The following MYO3A variants were observed in gnomAD, a reference collection of about 807,000 sequenced individuals.
MYO3A encodes the protein myosin-IIIa.
MYO3A carries 180 observed loss-of-function variants against 192.7 expected under a neutral mutation model. The observed-to-expected ratio is 0.93, with a 90% CI of 0.83 to 1.06. The LOEUF is 1.06. MYO3A is among the 50% of genes least tolerant of loss of function. The pLI, the probability that MYO3A is intolerant of heterozygous loss-of-function variation, is 0.00. For missense variants in MYO3A, 1,896 were observed against 1,905.0 expected (o/e 1.00, Z 0.09); for synonymous variants, 628 against 645.3 (o/e 0.97, Z 0.41).
intron 14 of MYO3A, among the ~76,000 whole-genome samples, chr10:26,075,982 T>C (rs1402682988): frequency 6.6e-6 from 1 of 151,844 alleles, no homozygotes; most frequent in African/African-American, 2.4e-5. Context: ...CTTTTATGAA[T>C]AATGACTTAT....
At chr10:26,166,215 T>C in intron 27 of MYO3A, 37 bp downstream of exon 27, 1 of 1,464,724 alleles carries the variant, frequency 6.8e-7, no homozygotes, top group South Asian at 1.1e-5. Flanking sequence ...AAATAAATAA[T>C]TATGCTGGGT....
rs1487933695 is a variant in MYO3A, at chr10:26,120,817, C to T, written c.1903+15C>T. ...CCTGGAGAACTGTAAGTTTTATTAC[C>T]TTCTATTCAAAACTGAAATCTTTCA... On this transcript the variant is annotated intron_variant, in intron 18 of 34. Transcript: ENST00000642920. 1 of 1,613,654 alleles carries T rather than the reference C, an allele frequency of 6.2e-7. No homozygotes were observed. The highest frequency in any genetic ancestry group is 1.7e-5 in the Admixed American group (1 of 59,998).
rs752191565 is a variant in MYO3A, at chr10:26,024,103, CTT to C, written c.797+19_797+20del. On this transcript the variant is annotated intron_variant, in intron 9 of 34. Coordinates refer to ENST00000642920, the MANE Select transcript of MYO3A (RefSeq NM_017433.5). ...TCATAAGCAAGTGAGTAAAAACAGT[CTT>C]TTAAAAAACCAAAGATATTCCCTCC... 1.9e-6 allele frequency: 3 copies of C among 1,605,946 alleles called. No individual in the cohort carries two copies. In the East Asian group the frequency reaches 6.7e-5, roughly 36 times the overall value.
intron 30 of MYO3A, 111 bp downstream of exon 30, chr10:26,174,668 C>A (rs866156383): frequency 1.1e-6 from 1 of 903,002 alleles, no homozygotes; most frequent in Non-Finnish European, 1.7e-6. Context: ...CGTTGATGGG[C>A]CCGCAAACAT....
Position 25,954,981 on chromosome 10 carries a change from T to C in MYO3A, c.276T>C (p.Asn92=). ...YGIYFKKDKV[N]GDKLWLVLEL... ...TATACTTTAAGAAGGATAAAGTAAA[T>C]GGAGACAAGCTGTGGTTGGTTCTTG... The change falls in exon 4 of 35, where the codon AAT becomes AAC. Residue 92 remains asparagine (N), a synonymous_variant. Coordinates refer to ENST00000642920, the MANE Select transcript of MYO3A (RefSeq NM_017433.5). 1 of 1,613,062 alleles carries C rather than the reference T, an allele frequency of 6.2e-7. No individual in the cohort carries two copies. The highest frequency in any genetic ancestry group is 8.5e-7 in the Non-Finnish European group (1 of 1,179,302).
In MYO3A at chr10:26,096,453, C is replaced by T; in HGVS notation, c.1635C>T (p.Tyr545=). The T allele has an allele frequency of 8.7e-6, 14 of 1,613,762 alleles. No homozygotes were observed. Among genetic ancestry groups the T allele is most frequent in the Non-Finnish European group, 1.2e-5 (14 of 1,179,810 alleles). The change falls in exon 16 of 35, where the codon TAC becomes TAT. Residue 545 remains tyrosine (Y), a synonymous_variant. Transcript: ENST00000642920. ...GLAEKKKLAH[Y]KLPENKPPRY... is the part of the protein sequence containing the mutation. ...CTGAAAAGAAGAAACTAGCCCATTACAAACTGCCTGAAAATAAGCCTCCCA... is the reference window on the plus strand; with the variant it reads ...CTGAAAAGAAGAAACTAGCCCATTATAAACTGCCTGAAAATAAGCCTCCCA...
chr10:26,098,061 C>T (rs545772308), intron 17 of MYO3A, among the ~76,000 whole-genome samples: 2,604 of 152,300 alleles, frequency 0.017, 83 homozygotes, highest in African/African-American at 0.057. Context: ...TATTTCTCCA[C>T]ATCCTCTCCA....
At chr10:25,951,084 A>T (rs1837181688) in intron 2 of MYO3A, among the ~76,000 whole-genome samples, 1 of 152,184 alleles carries the variant, frequency 6.6e-6, no homozygotes, top group Admixed American at 6.5e-5. Flanking sequence ...TAATTGACAA[A>T]TCAATTAATT....
chr10:26,043,029 C>A (rs1339183295), intron 10 of MYO3A, among the ~76,000 whole-genome samples: 1 of 152,216 alleles, frequency 6.6e-6, no homozygotes, highest in Non-Finnish European at 1.5e-5. Flanking sequence ...GGGACATCCT[C>A]AGCCCAGTGA....
rs780530767 is a variant in MYO3A, at chr10:25,954,926, A to G, written c.221A>G (p.Asp74Gly). 3 of 1,612,416 alleles carry G rather than the reference A, an allele frequency of 1.9e-6. No individual in the cohort carries two copies. In the African/African-American group the frequency reaches 4.0e-5, roughly 22 times the overall value. The change falls in exon 4 of 35, where the codon GAC becomes GGC. Residue 74 changes from aspartate (D) to glycine (G), a missense_variant. Transcript: ENST00000642920. ...AEYNILKALS[D>G]HPNVVRFYGI... ...TATAACATCTTAAAAGCACTTTCTG[A>G]CCACCCTAATGTGGTCAGATTCTAT...
At chr10:26,013,986 G>A (rs1841827686) in intron 6 of MYO3A, among the ~76,000 whole-genome samples, 1 of 152,060 alleles carries the variant, frequency 6.6e-6, no homozygotes, top group South Asian at 2.1e-4. Context: ...CTTGGATGGA[G>A]CTGGAGGCCA....
chr10:25,936,449 C>G (rs563631477), intron 2 of MYO3A, among the ~76,000 whole-genome samples: 1 of 151,908 alleles, frequency 6.6e-6, no homozygotes, highest in Non-Finnish European at 1.5e-5. Flanking sequence ...GCTGCGTTTT[C>G]TTTTTCTTTT....
intron 34 of MYO3A, among the ~76,000 whole-genome samples, chr10:26,206,218 G>C (rs1443659112): frequency 6.7e-6 from 1 of 150,242 alleles, no homozygotes; most frequent in Admixed American, 6.6e-5. Context: ...ATGCCACTCT[G>C]CCCGGCTAAT....
In MYO3A at chr10:26,128,489, A is replaced by G. The variant is rs1229735797; in HGVS notation, c.2213A>G (p.Asn738Ser). Residue 738 changes from asparagine (N) to serine (S), a missense_variant, in exon 20 of 35, where the codon AAT becomes AGT. Transcript: ENST00000642920. ...SFEQLCINIANEQIQYYYNQH... is the reference protein window; with the variant it reads ...SFEQLCINIASEQIQYYYNQH... ...GAGCAGCTGTGCATTAACATTGCAA[A>G]TGAACAAATTCAGTATTATTATAAT... The G allele has an allele frequency of 6.2e-7, 1 of 1,612,916 alleles. No individual in the cohort carries two copies. Among genetic ancestry groups the G allele is most frequent in the Admixed American group, 1.7e-5 (1 of 60,008 alleles).
At position 26,203,030 on chromosome 10, in the gene MYO3A, A is replaced by G. The variant is rs2132214176; in HGVS notation, c.4653A>G (p.Pro1551=). 1 of 1,613,862 alleles carries G rather than the reference A, an allele frequency of 6.2e-7. No individual in the cohort carries two copies. The highest frequency in any genetic ancestry group is 8.5e-7 in the Non-Finnish European group (1 of 1,179,830). Residue 1551 remains proline (P), a synonymous_variant, in exon 34 of 35, where the codon CCA becomes CCG. Coordinates refer to ENST00000642920, the MANE Select transcript of MYO3A (RefSeq NM_017433.5). Reference sequence around the variant, plus strand: ...AATTTTTGCCCAGTCGTTCTGGACCAAAGGAACATAGCCCTAGTTTAAGAG... The same window carrying G: ...AATTTTTGCCCAGTCGTTCTGGACCGAAGGAACATAGCCCTAGTTTAAGAG... ...YKEFLPSRSG[P]KEHSPSLRER...
At chr10:26,067,626 G>C (rs1226664102) in intron 11 of MYO3A, among the ~76,000 whole-genome samples, 1 of 151,978 alleles carries the variant, frequency 6.6e-6, no homozygotes, top group Non-Finnish European at 1.5e-5. Flanking sequence ...ATCTTTCGGG[G>C]GTATTGAATT....
intron 32 of MYO3A, among the ~76,000 whole-genome samples, chr10:26,196,269 A>G (rs1176172098): frequency 6.6e-6 from 1 of 152,236 alleles, no homozygotes; most frequent in Non-Finnish European, 1.5e-5. Flanking sequence ...AGTGATTGTG[A>G]TGGCTTCAAC....
chr10:26,159,095 A>G (rs900182162), intron 26 of MYO3A, among the ~76,000 whole-genome samples: 2 of 147,880 alleles, frequency 1.4e-5, no homozygotes, highest in Non-Finnish European at 3.0e-5. Context: ...GGTTCACACC[A>G]TTCTCCTGCC....
At chr10:25,958,051 TTGA>T (rs1445305219) in intron 4 of MYO3A, among the ~76,000 whole-genome samples, 1 of 152,164 alleles carries the variant, frequency 6.6e-6, no homozygotes, top group Non-Finnish European at 1.5e-5. Context: ...CTTTACTCTG[TTGA>T]TGGTTTCTTT....
Sources: gnomAD v4.1 joint callset for allele counts (sites outside exome capture counted in the v4.1 genomes callset) on GRCh38, gnomAD v4.1.1 for gene constraint, MANE v1.5 for transcripts, NCBI Gene and HGNC (gene_info 2026-07-23, HGNC 2026-07-21) for gene names.